ZNF140: variants seen among roughly 807,000 people sequenced by gnomAD.
ZNF140 encodes zinc finger protein 140.
ZNF140 carries 13 observed loss-of-function variants against 12.9 expected under a neutral mutation model. The observed-to-expected ratio is 1.01, with a 90% CI of 0.66 to 1.60. The LOEUF (loss-of-function observed/expected upper bound fraction) is 1.60. ZNF140 is among the 40% of genes most tolerant of loss of function. The probability of loss-of-function intolerance (pLI) is 0.00; values close to 1 mark genes in which losing one functional copy is unlikely to be tolerated. For synonymous variants in ZNF140, 214 were observed against 186.7 expected (o/e 1.15, Z -1.19); for missense variants, 531 against 548.8 (o/e 0.97, Z 0.32).
intron 4 of ZNF140, among the ~76,000 whole-genome samples, chr12:133,084,802 T>C (rs780610793): frequency 4.4e-4 from 67 of 152,330 alleles, no homozygotes; most frequent in Non-Finnish European, 5.9e-4. Flanking sequence ...GTGGTTCATA[T>C]GAAATGCTGC....
chr12:133,095,710 GAGA>G (rs2137539088), intron 4 of ZNF140, among the ~76,000 whole-genome samples: 1 of 151,630 alleles, frequency 6.6e-6, no homozygotes, highest in South Asian at 2.1e-4. Context: ...TGATAATAAG[GAGA>G]AGGTCAGCAA....
Position 133,106,796 on chromosome 12 carries a change from G to A in ZNF140, c.*145G>A. On this transcript the variant is annotated 3_prime_UTR_variant, in exon 5 of 5. Transcript: ENST00000355557. ...TGGCCCACACTTTATTCACCACCCT[G>A]GAGAAAAAAAAACCCAGGAATATGT... 1.5e-6 allele frequency: 1 copy of A among 662,370 alleles called. No individual in the cohort carries two copies. Among genetic ancestry groups the A allele is most frequent in the Non-Finnish European group, 2.3e-6 (1 of 443,416 alleles). The allele number at this position is 662,370 out of a possible 1,614,324, so 41.0% of individuals were successfully genotyped here. A position where few individuals can be genotyped will look rare whatever the true frequency, so the allele number is the denominator to read the frequency against.
chr12:133,086,624 G>T (rs1954685340), intron 4 of ZNF140, among the ~76,000 whole-genome samples: 1 of 151,892 alleles, frequency 6.6e-6, no homozygotes, highest in Non-Finnish European at 1.5e-5. Context: ...TTCTTTTGAT[G>T]AACAGAAATT....
At chr12:133,095,401 C>A (rs942947526) in intron 4 of ZNF140, among the ~76,000 whole-genome samples, 1 of 150,846 alleles carries the variant, frequency 6.6e-6, no homozygotes, top group Non-Finnish European at 1.5e-5. Flanking sequence ...AATCTCTCGT[C>A]GGCTGTCCTC....
Position 133,106,536 on chromosome 12 carries a change from A to G in ZNF140, c.1259A>G (p.Lys420Arg). Residue 420 changes from lysine to arginine, a missense_variant, in exon 5 of 5, where the codon AAA becomes AGA. Physicochemically the swap from Lys to Arg is conservative, Grantham distance 26. Coordinates refer to ENST00000355557, the MANE Select transcript of ZNF140 (RefSeq NM_003440.4). ...CCCTATGTATGTAAGGTATGCAACAAATCCTTCAGCTGGAGCTCAAACCTT... is the reference window on the plus strand; with the variant it reads ...CCCTATGTATGTAAGGTATGCAACAGATCCTTCAGCTGGAGCTCAAACCTT... ...EKPYVCKVCN[K>R]SFSWSSNLAK... The G allele has an allele frequency of 6.2e-7, 1 of 1,614,048 alleles. No homozygotes were observed. Among genetic ancestry groups the G allele is most frequent in the South Asian group, 1.1e-5 (1 of 91,078 alleles).
Position 133,106,612 on chromosome 12 carries a change from T to C in ZNF140, c.1335T>C (p.Asn445=), listed in dbSNP as rs757629190. ...TTGACAACCCCTATGAATATGAAAA[T>C]TCATTTAATTACCACTCATTCCTTA... ...HTLDNPYEYE[N]SFNYHSFLTE... Residue 445 remains asparagine, a synonymous_variant, in exon 5 of 5, where the codon AAT becomes AAC. Transcript: ENST00000355557. The C allele has an allele frequency of 1.2e-6, 2 of 1,604,626 alleles. No individual in the cohort carries two copies. The highest frequency in any genetic ancestry group is 1.7e-6 in the Non-Finnish European group (2 of 1,177,184).
At chr12:133,091,123 G>C (rs1390345683) in intron 4 of ZNF140, among the ~76,000 whole-genome samples, 2 of 149,650 alleles carry the variant, frequency 1.3e-5, no homozygotes, top group Non-Finnish European at 3.0e-5. Flanking sequence ...CAGGTGTCGG[G>C]CTGGGGGACG....
rs1377494154 is a variant in ZNF140, at chr12:133,106,229, C to T, written c.952C>T (p.Arg318Ter). The T allele has an allele frequency of 1.2e-5, 20 of 1,614,116 alleles. No homozygotes were observed. The highest frequency in any genetic ancestry group is 1.0e-4 in the Admixed American group (6 of 60,010). ...KAFRRFSHLT[R>*]HQSIHTTKTP... The stretch of plus-strand genomic sequence containing the variant: ...ATTTCGCCGTTTCTCACACCTTACT[C>T]GACATCAGAGCATCCATACAACCAA... Residue 318 changes from arginine (R) to a stop codon, truncating the protein, a stop_gained, in exon 5 of 5, where the codon CGA becomes TGA. Coordinates refer to ENST00000355557, the MANE Select transcript of ZNF140 (RefSeq NM_003440.4). LOFTEE classifies it low-confidence loss of function (END_TRUNC).
intron 4 of ZNF140, among the ~76,000 whole-genome samples, chr12:133,095,875 C>T (rs939852835): frequency 5.3e-5 from 8 of 151,984 alleles, no homozygotes; most frequent in Non-Finnish European, 1.0e-4. Flanking sequence ...AAACATATCT[C>T]GCCTCCCACC....
intron 4 of ZNF140, among the ~76,000 whole-genome samples, chr12:133,095,742 A>C (rs531410590): frequency 2.8e-4 from 42 of 151,444 alleles, no homozygotes; most frequent in Admixed American, 1.6e-3. Context: ...TGAGCAAAAG[A>C]ATCTATGTCA....
chr12:133,100,558 G>A (rs1955310540), intron 4 of ZNF140, among the ~76,000 whole-genome samples: 1 of 152,140 alleles, frequency 6.6e-6, no homozygotes, highest in African/African-American at 2.4e-5. Flanking sequence ...TAGCTGAGTT[G>A]CTTTTTTTCT....
At chr12:133,099,823 A>G (rs1408501449) in intron 4 of ZNF140, among the ~76,000 whole-genome samples, 2 of 152,176 alleles carry the variant, frequency 1.3e-5, no homozygotes, top group East Asian at 3.8e-4. Context: ...CTTGCAGGGC[A>G]GGTGTACTGG....
rs1047882779 is a variant in ZNF140, at chr12:133,093,694, T to C, written c.232+10133T>C. 4.6e-5 allele frequency among the ~76,000 whole-genome samples: 7 copies of C among 151,298 alleles called. 1 individual carries two copies. The highest frequency in any genetic ancestry group is 1.5e-4 in the African/African-American group (6 of 40,862). ...TCTGCAGAAGTAGTGGTCTGATTTC[T>C]ATATATGTTTAGAAAATTCAAAGTA... On this transcript the variant is annotated intron_variant, in intron 4 of 4. Coordinates refer to ENST00000355557, the MANE Select transcript of ZNF140 (RefSeq NM_003440.4).
intron 2 of ZNF140, 46 bp from the exon 3 acceptor site, chr12:133,083,057 T>C (rs1445485446): frequency 3.1e-6 from 5 of 1,613,470 alleles, no homozygotes; most frequent in Non-Finnish European, 4.2e-6. Flanking sequence ...TGAGGGAGTT[T>C]GGGGGCATGC....
At chr12:133,090,608 G>T (rs370631834) in intron 4 of ZNF140, among the ~76,000 whole-genome samples, 27 of 151,548 alleles carry the variant, frequency 1.8e-4, no homozygotes, top group South Asian at 6.3e-4. Context: ...AGAAAAGAAA[G>T]AAGACACAGA....
chr12:133,093,664 G>A (rs930406550), intron 4 of ZNF140, among the ~76,000 whole-genome samples: 3 of 151,180 alleles, frequency 2.0e-5, no homozygotes, highest in Non-Finnish European at 4.4e-5. Context: ...CCAGTAAAAT[G>A]TTGTTCTGCA....
At chr12:133,101,513 C>T (rs1399094594) in intron 4 of ZNF140, among the ~76,000 whole-genome samples, 1 of 152,194 alleles carries the variant, frequency 6.6e-6, no homozygotes, top group Non-Finnish European at 1.5e-5. Context: ...GGCGCGATCT[C>T]AGCTTACTGC....
At position 133,106,767 on chromosome 12, in the gene ZNF140, A is replaced by C; in HGVS notation, c.*116A>C. The C allele has an allele frequency of 1.0e-6, 1 of 952,760 alleles. No homozygotes were observed. The highest frequency in any genetic ancestry group is 1.5e-6 in the Non-Finnish European group (1 of 669,386). 59.0% of individuals were successfully genotyped at this position (952,760 alleles called of 1,614,324 possible). On this transcript the variant is annotated 3_prime_UTR_variant, in exon 5 of 5. Transcript: ENST00000355557. ...TATGTGAAAGTGATGACTGTGAAGT[A>C]ATATGGCCCACACTTTATTCACCAC...
At chr12:133,088,760 A>G (rs1316983667) in intron 4 of ZNF140, among the ~76,000 whole-genome samples, 1 of 152,114 alleles carries the variant, frequency 6.6e-6, no homozygotes, top group Non-Finnish European at 1.5e-5. Flanking sequence ...TTATTTTTTT[A>G]TCACGATTGG....
Sources: gnomAD v4.1 joint callset for allele counts (sites outside exome capture counted in the v4.1 genomes callset) on GRCh38, gnomAD v4.1.1 for gene constraint, MANE v1.5 for transcripts, NCBI Gene and HGNC (gene_info 2026-07-23, HGNC 2026-07-21) for gene names.